The following DYRK1A variants were observed in gnomAD, a reference collection of about 807,000 sequenced individuals.
DYRK1A encodes the protein dual specificity tyrosine phosphorylation regulated kinase 1A.
In DYRK1A, 9 loss-of-function variants were observed where a neutral mutation model predicts 79.7. That is an observed-to-expected ratio of 0.11 (90% CI 0.07 to 0.20). The LOEUF (loss-of-function observed/expected upper bound fraction) is 0.20, where lower values mean the gene tolerates loss of function less well. Ranked by LOEUF, DYRK1A falls within the 10% of genes least tolerant of loss-of-function variation. DYRK1A has a pLI of 1.00. For synonymous variants in DYRK1A, 349 were observed against 329.7 expected, an observed-to-expected ratio of 1.06 and a Z score of -0.63; for missense variants, 622 against 956.0, an observed-to-expected ratio of 0.65 and a Z score of 4.61.
At chr21:37,433,281 A>G (rs184112366) in intron 2 of DYRK1A, among the ~76,000 whole-genome samples, 1 of 152,094 alleles carries the variant, frequency 6.6e-6, no homozygotes, top group African/African-American at 2.4e-5. Context: ...CTAGTCCCCA[A>G]AGGAAAGTAG....
At chr21:37,510,144 CAT>C (rs1477415225) in intron 11 of DYRK1A, among the ~76,000 whole-genome samples, 8 of 152,200 alleles carry the variant, frequency 5.3e-5, no homozygotes, top group Non-Finnish European at 1.2e-4. Flanking sequence ...CTCATTCACA[CAT>C]AGACATTTTA....
At chr21:37,428,210 C>T (rs576276927) in intron 2 of DYRK1A, among the ~76,000 whole-genome samples, 1 of 152,292 alleles carries the variant, frequency 6.6e-6, no homozygotes, top group South Asian at 2.1e-4. Context: ...ATTGCTGGTA[C>T]ATTTTCCAGT....
chr21:37,472,695 T>G lies in DYRK1A; in HGVS notation c.22T>G (p.Ser8Ala). Residue 8 changes from serine (S) to alanine (A), a missense_variant, in exon 3 of 12, where the codon TCA becomes GCA. Ser to Ala is a moderately conservative substitution (Grantham distance 99). Coordinates refer to ENST00000647188, the MANE Select transcript of DYRK1A (RefSeq NM_001347721.2). ...TTATCTTCTTGTAGGAGGAGAGACT[T>G]CAGCATGCAAACCTTCATCTGTTCG... MHTGGET[S>A]ACKPSSVRLA... 1 of 1,590,526 alleles carries G rather than the reference T, an allele frequency of 6.3e-7. No individual in the cohort carries two copies. The highest frequency in any genetic ancestry group is 8.6e-7 in the Non-Finnish European group (1 of 1,165,148).
chr21:37,425,511 AT>A (rs981480094), intron 2 of DYRK1A, among the ~76,000 whole-genome samples: 2 of 152,120 alleles, frequency 1.3e-5, no homozygotes, highest in Middle Eastern at 3.2e-3. Context: ...GGTAAGCCAC[AT>A]TGTAAAATTG....
intron 2 of DYRK1A, among the ~76,000 whole-genome samples, chr21:37,427,286 A>G (rs1444296611): frequency 6.6e-6 from 1 of 151,992 alleles, no homozygotes; most frequent in Non-Finnish European, 1.5e-5. Flanking sequence ...TAACTTCTTT[A>G]TTTTTATTTC....
chr21:37,486,377 T>G, intron 5 of DYRK1A, 90 bp from the exon 6 acceptor site: 1 of 1,006,692 alleles, frequency 9.9e-7, no homozygotes, highest in Non-Finnish European at 1.4e-6. Flanking sequence ...TAATTGAGAA[T>G]TAGGTAAATG....
intron 1 of DYRK1A, among the ~76,000 whole-genome samples, chr21:37,401,728 C>A (rs991982569): frequency 6.6e-6 from 1 of 152,052 alleles, no homozygotes; most frequent in African/African-American, 2.4e-5. Context: ...GGTGATCCAC[C>A]CACCTTAGCC....
chr21:37,406,833 A>ATG (rs1264697799), intron 1 of DYRK1A, among the ~76,000 whole-genome samples: 2 of 148,084 alleles, frequency 1.4e-5, no homozygotes, highest in African/African-American at 4.9e-5. Context: ...ATGTAATTAT[A>ATG]TATATATATC....
Position 37,458,268 on chromosome 21 carries a change from C to CTGTGTGGGTGTG in DYRK1A, c.11-14410_11-14409insGGTGTGTGTGTG. ...TAGGGGAGGGCATCTGGGTAATTTA[C>CTGTGTGGGTGTG]TGTGTGTGTGTGTGTGTGTGTGTGT... is the stretch of plus-strand genomic sequence containing the variant. On this transcript the variant is annotated intron_variant, in intron 2 of 11. Transcript: ENST00000647188. 1.5e-5 allele frequency among the ~76,000 whole-genome samples: 2 copies of CTGTGTGGGTGTG among 130,586 alleles called. 1 individual carries two copies. The highest frequency in any genetic ancestry group is 5.7e-5 in the African/African-American group (2 of 34,822). 85.7% of individuals were successfully genotyped at this position (130,586 alleles called of 152,430 possible).
chr21:37,460,470 TAGCCTCCAGTCAAAGTTA>T (rs2051804247), intron 2 of DYRK1A, among the ~76,000 whole-genome samples: 1 of 152,214 alleles, frequency 6.6e-6, no homozygotes, highest in Non-Finnish European at 1.5e-5. Flanking sequence ...TGTTAGCCAC[TAGCCTCCAGTCAAAGTTA>T]GAGAACCACC....
chr21:37,366,203 C>A (rs987167376), upstream of DYRK1A: 1 of 150,918 alleles, frequency 6.6e-6, no homozygotes, highest in Non-Finnish European at 1.5e-5. Context: ...CCCTCCAGGC[C>A]CGGGCGCGCG....
intron 9 of DYRK1A, among the ~76,000 whole-genome samples, chr21:37,500,036 T>G (rs2053393654): frequency 6.6e-6 from 1 of 152,150 alleles, no homozygotes; most frequent in South Asian, 2.1e-4. Context: ...TCAGCATATT[T>G]GGGGGGGTCC....
chr21:37,383,762 C>G (rs2049705325), intron 1 of DYRK1A, among the ~76,000 whole-genome samples: 1 of 150,400 alleles, frequency 6.6e-6, no homozygotes, highest in African/African-American at 2.5e-5. Context: ...AACAAGAAAG[C>G]AAATAACATA....
At chr21:37,457,037 C>CTTACTTATTTATTTATTTAT (rs1035437095) in intron 2 of DYRK1A, among the ~76,000 whole-genome samples, 3 of 59,250 alleles carry the variant, frequency 5.1e-5, no homozygotes, top group South Asian at 5.3e-4. Flanking sequence ...TACTTACTTA[C>CTTACTTATTTATTTATTTAT]TTATTTATTT....
intron 1 of DYRK1A, among the ~76,000 whole-genome samples, chr21:37,371,337 A>T (rs2049425491): frequency 6.6e-6 from 1 of 152,166 alleles, no homozygotes; most frequent in Non-Finnish European, 1.5e-5. Flanking sequence ...TTTGATTATT[A>T]TTTTTTTATA....
chr21:37,468,920 G>A (rs1384353191), intron 2 of DYRK1A, among the ~76,000 whole-genome samples: 1 of 152,050 alleles, frequency 6.6e-6, no homozygotes, highest in Non-Finnish European at 1.5e-5. Flanking sequence ...AACCAATAGG[G>A]GCTCGATCAT....
chr21:37,506,368 A>G (rs1254661987), intron 11 of DYRK1A, 145 bp downstream of exon 11: 1 of 1,548,176 alleles, frequency 6.5e-7, no homozygotes. Flanking sequence ...AGTATTTATC[A>G]TAGAGAAGCA....
At chr21:37,494,509 T>C (rs1234351948) in intron 8 of DYRK1A, among the ~76,000 whole-genome samples, 1 of 151,836 alleles carries the variant, frequency 6.6e-6, no homozygotes, top group Non-Finnish European at 1.5e-5. Context: ...CCTAAAATGC[T>C]CTTTTCTGAG....
At chr21:37,395,991 T>A (rs1425425979) in intron 1 of DYRK1A, among the ~76,000 whole-genome samples, 1 of 152,228 alleles carries the variant, frequency 6.6e-6, no homozygotes, top group Non-Finnish European at 1.5e-5. Flanking sequence ...TAGGAGATGT[T>A]CTCTCAGGGA....
Sources: gnomAD v4.1 joint callset for allele counts (sites outside exome capture counted in the v4.1 genomes callset) on GRCh38, gnomAD v4.1.1 for gene constraint, MANE v1.5 for transcripts, NCBI Gene and HGNC (gene_info 2026-07-23, HGNC 2026-07-21) for gene names.